TRPC4AP: variants seen among roughly 807,000 people sequenced by gnomAD.
TRPC4AP encodes the protein short transient receptor potential channel 4-associated protein.
A neutral mutation model predicts 99.0 loss-of-function variants in TRPC4AP; 45 were observed. That is an observed-to-expected ratio of 0.45 (90% confidence interval 0.36 to 0.58). The LOEUF is 0.58. TRPC4AP is among the 20% of genes least tolerant of loss of function. The probability of loss-of-function intolerance (pLI) is 0.00; values close to 1 mark genes in which losing one functional copy is unlikely to be tolerated. For synonymous variants in TRPC4AP, 408 were observed against 385.8 expected, an observed-to-expected ratio of 1.06 and a Z score of -0.67; for missense variants, 879 against 985.3, an observed-to-expected ratio of 0.89 and a Z score of 1.44.
At position 35,013,043 on chromosome 20, in the gene TRPC4AP, A is replaced by C. The variant is rs774041027; in HGVS notation, c.1374T>G (p.Phe458Leu). 3.7e-6 allele frequency: 6 copies of C among 1,614,122 alleles called. No individual in the cohort carries two copies. The highest frequency in any genetic ancestry group is 5.1e-6 in the Non-Finnish European group (6 of 1,180,026). The change falls in exon 11 of 19, where the codon TTT becomes TTG. Residue 458 changes from phenylalanine to leucine, a missense_variant. By Grantham distance (22) the Phe-to-Leu change is conservative (BLOSUM62 0). Transcript: ENST00000252015. ...CACTGAAGCTCTGAAGAAGCCTCAA[A>C]AACTGTATCTTCAAGGTGATGTCCT... ...CSPDITLKIQ[F>L]LRLLQSFSDH...
At chr20:35,020,251 C>T (rs974297896) in intron 9 of TRPC4AP, among the ~76,000 whole-genome samples, 2 of 152,140 alleles carry the variant, frequency 1.3e-5, no homozygotes, top group African/African-American at 4.8e-5. Flanking sequence ...TTGCTGTTTC[C>T]AGTCTTTCCA....
chr20:35,018,846 G>A (rs915551194), intron 9 of TRPC4AP, among the ~76,000 whole-genome samples: 1 of 152,142 alleles, frequency 6.6e-6, no homozygotes, highest in Admixed American at 6.5e-5. Flanking sequence ...TCACAAGATA[G>A]CTCTGTGACC....
At chr20:35,026,378 C>T (rs1421682583) in intron 8 of TRPC4AP, among the ~76,000 whole-genome samples, 1 of 152,050 alleles carries the variant, frequency 6.6e-6, no homozygotes, top group Non-Finnish European at 1.5e-5. Flanking sequence ...CGAGGCTTGC[C>T]TAATTTTTAA....
chr20:35,014,640 G>A (rs2147281272), intron 10 of TRPC4AP, among the ~76,000 whole-genome samples: 1 of 152,280 alleles, frequency 6.6e-6, no homozygotes, highest in Admixed American at 6.5e-5. Flanking sequence ...ATCTAGAAAT[G>A]CAAAATATAT....
chr20:35,009,195 G>A (rs1247795571), intron 12 of TRPC4AP, among the ~76,000 whole-genome samples: 3 of 152,238 alleles, frequency 2.0e-5, no homozygotes, highest in African/African-American at 7.2e-5. Flanking sequence ...AGCAAAGGCA[G>A]GAGATGAGGA....
rs779674703 is a variant in TRPC4AP, at chr20:35,061,277, A to C, written c.415-3706T>G. Among the ~76,000 whole-genome samples the C allele has an allele frequency of 5.4e-4, 83 of 152,366 alleles. No individual in the cohort carries two copies. The Middle Eastern group carries it at 0.01, about 19-fold the overall frequency. ...AAAAACAGTAAAAACACTTAGAAATAAGTTTAACAAGTGCAAGACTTGTAC... is the reference window on the plus strand; with the variant it reads ...AAAAACAGTAAAAACACTTAGAAATCAGTTTAACAAGTGCAAGACTTGTAC... On this transcript the variant is annotated intron_variant, in intron 3 of 18. Transcript: ENST00000252015.
chr20:35,015,851 C>A (rs138047349), intron 10 of TRPC4AP, among the ~76,000 whole-genome samples, 157 bp downstream of exon 10: 1 of 152,108 alleles, frequency 6.6e-6, no homozygotes, highest in Non-Finnish European at 1.5e-5. Flanking sequence ...CACTCAGATC[C>A]TACTCCAAGG....
rs146015606 is a variant in TRPC4AP at position 35,006,460 on chromosome 20, T to C, written c.1802A>G (p.Asn601Ser). 1.3e-4 allele frequency: 205 copies of C among 1,614,222 alleles called. 2 individuals carry two copies. In the East Asian group the frequency reaches 4.5e-3, roughly 36 times the overall value. ...KFNVDAFKRF[N>S]KYINTDAKFQ... ...CTTTGCATCGGTGTTGATATATTTATTGAATCTCTTGAATGCATCAACGTT... is the reference window on the plus strand; with the variant it reads ...CTTTGCATCGGTGTTGATATATTTACTGAATCTCTTGAATGCATCAACGTT... Residue 601 changes from asparagine (N) to serine (S), a missense_variant, in exon 15 of 19, where the codon AAT (asparagine) becomes AGT (serine). Transcript: ENST00000252015.
Position 35,048,693 on chromosome 20 carries a change from C to T in TRPC4AP, c.657+1173G>A, listed in dbSNP as rs972531079. Among the ~76,000 whole-genome samples the T allele has an allele frequency of 5.9e-4, 89 of 152,048 alleles. 1 individual carries two copies. The highest frequency in any genetic ancestry group is 1.3e-4 in the Non-Finnish European group (9 of 68,004). Reference sequence around the variant, plus strand: ...GAACACCTCGCCATTTTGGGGTACACAAAAAGGAATGAGAGGGAGTGAGAG... The same window carrying T: ...GAACACCTCGCCATTTTGGGGTACATAAAAAGGAATGAGAGGGAGTGAGAG... On this transcript the variant is annotated intron_variant, in intron 6 of 18. Coordinates refer to ENST00000252015, the MANE Select transcript of TRPC4AP (RefSeq NM_015638.3).
chr20:35,078,206 T>G (rs372696629), intron 1 of TRPC4AP, 32 bp from the exon 2 acceptor site: 12 of 1,604,788 alleles, frequency 7.5e-6, no homozygotes, highest in Non-Finnish European at 1.0e-5. Context: ...AACATATTAT[T>G]GTATTATTGA....
chr20:35,007,477 C>T lies in TRPC4AP; in HGVS notation c.1686+73G>A, dbSNP rs1001375597. The T allele has an allele frequency of 4.2e-5, 61 of 1,462,612 alleles. No individual in the cohort carries two copies. In the Admixed American group the frequency reaches 7.9e-4, roughly 19 times the overall value. The allele number at this position is 1,462,612 out of a possible 1,614,324, so 90.6% of individuals were successfully genotyped here. A position where few individuals can be genotyped will look rare whatever the true frequency, so the allele number is the denominator to read the frequency against. The stretch of plus-strand genomic sequence containing the variant: ...TCTGCTCCTGATGAACTGTTTGGGG[C>T]TCAGGACAGGACACAGCAACGCGTG... On this transcript the variant is annotated intron_variant, in intron 14 of 18. Transcript: ENST00000252015.
At chr20:35,086,585 A>ATGTG in intron 1 of TRPC4AP, among the ~76,000 whole-genome samples, 1 of 145,486 alleles carries the variant, frequency 6.9e-6, no homozygotes, top group Non-Finnish European at 1.5e-5. Flanking sequence ...GTATATATAT[A>ATGTG]TGAATAAGAC....
intron 7 of TRPC4AP, among the ~76,000 whole-genome samples, chr20:35,040,837 A>C (rs369503340): frequency 6.6e-6 from 1 of 152,208 alleles, no homozygotes; most frequent in African/African-American, 2.4e-5. Context: ...CCCCTAACAA[A>C]TCCCACCTCA....
chr20:35,068,036 T>TA (rs578029511), intron 3 of TRPC4AP, among the ~76,000 whole-genome samples: 2 of 152,054 alleles, frequency 1.3e-5, no homozygotes, highest in Non-Finnish European at 2.9e-5. Context: ...TAAAGCTGAT[T>TA]AAAAAAAACT....
At chr20:35,054,194 T>TG (rs2083770868) in intron 5 of TRPC4AP, among the ~76,000 whole-genome samples, 1 of 151,672 alleles carries the variant, frequency 6.6e-6, no homozygotes, top group Admixed American at 6.6e-5. Flanking sequence ...TAAATGTTTT[T>TG]TTTTTTTTAT....
chr20:35,048,305 G>A (rs1448236417), intron 6 of TRPC4AP, among the ~76,000 whole-genome samples: 1 of 150,696 alleles, frequency 6.6e-6, no homozygotes, highest in Non-Finnish European at 1.5e-5. Flanking sequence ...TCTGCCTCCC[G>A]GGTTCAAGCA....
At chr20:35,049,823 G>C (rs911404939) in intron 6 of TRPC4AP, 43 bp downstream of exon 6, 1 of 1,580,350 alleles carries the variant, frequency 6.3e-7, no homozygotes, top group Non-Finnish European at 8.6e-7. Context: ...CCAATGGTCT[G>C]AGACACCCTT....
chr20:35,071,028 AAAT>A (rs10583769), intron 2 of TRPC4AP, among the ~76,000 whole-genome samples: 6,687 of 152,274 alleles, frequency 0.044, 478 homozygotes, highest in African/African-American at 0.15. Context: ...TGCAAGAAGC[AAAT>A]AATGTGCAAC....
chr20:35,069,349 G>C lies in TRPC4AP; in HGVS notation c.361C>G (p.Gln121Glu), dbSNP rs1208637694. 5 of 1,612,604 alleles carry C rather than the reference G, an allele frequency of 3.1e-6. No homozygotes were observed. Among genetic ancestry groups the C allele is most frequent in the Non-Finnish European group, 4.2e-6 (5 of 1,178,896 alleles). Reference protein sequence around the residue: ...AFVTEERKLTQETTYPNTYIF... With the variant: ...AFVTEERKLTEETTYPNTYIF... ...TAAGTATTTGGATAAGTGGTTTCTT[G>C]GGTAAGTTTCCTCTCTTCAGTAACA... Residue 121 changes from glutamine to glutamate, a missense_variant, in exon 3 of 19, where the codon CAA (glutamine) becomes GAA (glutamate). Coordinates refer to ENST00000252015, the MANE Select transcript of TRPC4AP (RefSeq NM_015638.3).
Sources: allele counts gnomAD v4.1 joint callset (sites outside exome capture counted in the v4.1 genomes callset), GRCh38; gene constraint gnomAD v4.1.1; transcripts MANE v1.5; gene names NCBI Gene and HGNC (gene_info 2026-07-23, HGNC 2026-07-21).